CHM: variants seen among roughly 807,000 people sequenced by gnomAD.
The protein encoded by CHM is CHM Rab escort protein, also known as rab proteins geranylgeranyltransferase component A 1.
In CHM, 10 loss-of-function variants were observed where a neutral mutation model predicts 49.0. That is an observed-to-expected ratio of 0.20 (90% CI 0.13 to 0.35). The LOEUF is 0.35. Ranked by LOEUF, CHM falls within the 10% of genes least tolerant of loss-of-function variation. CHM has a pLI of 1.00. For missense variants in CHM, 455 were observed against 478.4 expected, an observed-to-expected ratio of 0.95 and a Z score of 0.46; for synonymous variants, 184 against 167.5, an observed-to-expected ratio of 1.10 and a Z score of -0.76.
At chrX:85,908,070 A>C (rs922672503) in intron 9 of CHM, among the ~76,000 whole-genome samples, 1 of 111,909 alleles carries the variant, frequency 8.9e-6, no homozygotes, top group African/African-American at 3.2e-5. Flanking sequence ...GAGGATGTCA[A>C]GTGTTCCATA....
intron 2 of CHM, among the ~76,000 whole-genome samples, chrX:86,023,079 G>A (rs778263863): frequency 2.3e-3 from 260 of 110,986 alleles, no homozygotes; most frequent in African/African-American, 8.2e-3. Flanking sequence ...CCATAAACTA[G>A]ACCATTGCAA....
Position 85,963,945 on chromosome X carries a change from G to T in CHM, c.422C>A (p.Thr141Lys). The change falls in exon 5 of 15, where the codon ACG (threonine) becomes AAG (lysine). Residue 141 changes from threonine to lysine, a missense_variant. By Grantham distance (78) the Thr-to-Lys change is moderately conservative (BLOSUM62 -1). Transcript: ENST00000357749. ...TEAADSAFLPTEDESLSTMSC... is the reference protein window; with the variant it reads ...TEAADSAFLPKEDESLSTMSC... ...CATAGTGCTTAATGACTCATCCTCC[G>T]TAGGCAGGAAGGCAGAATCTGCAGC... The T allele has an allele frequency of 8.3e-7, 1 of 1,210,740 alleles. No homozygotes were observed. Among genetic ancestry groups the T allele is most frequent in the Non-Finnish European group, 1.1e-6 (1 of 895,134 alleles).
intron 2 of CHM, among the ~76,000 whole-genome samples, chrX:85,999,055 T>C (rs1038870116): frequency 6.3e-5 from 7 of 111,113 alleles, no homozygotes; most frequent in Non-Finnish European, 1.3e-4. Context: ...CATTTTTCTT[T>C]ATCACAATTC....
intron 14 of CHM, among the ~76,000 whole-genome samples, chrX:85,869,353 C>A (rs1923904244): frequency 9.0e-6 from 1 of 111,101 alleles, no homozygotes; most frequent in Admixed American, 9.7e-5. Context: ...TCTTTTACTT[C>A]TTCTATGCTA....
intron 2 of CHM, among the ~76,000 whole-genome samples, chrX:86,020,664 A>C (rs5968775): frequency 0.34 from 35,110 of 103,619 alleles, 4,494 homozygotes; most frequent in East Asian, 0.46. Context: ...TGAAATACAT[A>C]TGATATATAT....
intron 6 of CHM, among the ~76,000 whole-genome samples, chrX:85,958,277 A>G (rs1018962945): frequency 1.8e-5 from 2 of 110,290 alleles, no homozygotes; most frequent in East Asian, 5.7e-4. Context: ...CCCTATGTAC[A>G]TGTTAGTACA....
chrX:85,940,884 T>A (rs1209550271), intron 8 of CHM, among the ~76,000 whole-genome samples: 1 of 111,049 alleles, frequency 9.0e-6, no homozygotes, highest in Admixed American at 9.6e-5. Flanking sequence ...TCATAACTGT[T>A]TAGGCCCCTT....
At chrX:85,938,752 C>T (rs139035812) in intron 8 of CHM, among the ~76,000 whole-genome samples, 2 of 110,496 alleles carry the variant, frequency 1.8e-5, no homozygotes, top group African/African-American at 6.6e-5. Context: ...CAGTTTAAGG[C>T]CTCCTGAATT....
At chrX:85,877,359 T>A (rs1377803536) in intron 13 of CHM, among the ~76,000 whole-genome samples, 2 of 111,570 alleles carry the variant, frequency 1.8e-5, no homozygotes, top group East Asian at 2.8e-4. Flanking sequence ...AAACTTAATG[T>A]GTTCTCACTC....
intron 8 of CHM, among the ~76,000 whole-genome samples, chrX:85,931,200 A>T (rs191004731): frequency 2.3e-3 from 256 of 111,472 alleles, no homozygotes; most frequent in African/African-American, 8.0e-3. Flanking sequence ...ATTCCTAATC[A>T]TAGGCATGCA....
At chrX:85,916,541 AATCT>A (rs768962668) in intron 8 of CHM, among the ~76,000 whole-genome samples, 188 of 111,897 alleles carry the variant, frequency 1.7e-3, no homozygotes, top group Middle Eastern at 4.2e-3. Context: ...GAATTTTTAC[AATCT>A]ATCTATCTAA....
intron 8 of CHM, among the ~76,000 whole-genome samples, chrX:85,913,881 C>T (rs1473894499): frequency 9.1e-6 from 1 of 110,420 alleles, no homozygotes; most frequent in Non-Finnish European, 1.9e-5. Context: ...GACAAGCATA[C>T]TGCGAACAGA....
At chrX:85,945,232 G>A (rs757532576) in intron 8 of CHM, among the ~76,000 whole-genome samples, 13 of 110,042 alleles carry the variant, frequency 1.2e-4, no homozygotes, top group African/African-American at 3.0e-4. Flanking sequence ...CCAAAGCCCC[G>A]TGATATAGTT....
intron 4 of CHM, among the ~76,000 whole-genome samples, chrX:85,972,431 C>T (rs930140747): frequency 1.8e-4 from 20 of 113,056 alleles, no homozygotes; most frequent in Admixed American, 1.3e-3. Context: ...CGGGGAGGCT[C>T]GGGCTGCACA....
chrX:86,007,800 C>T (rs987290491), intron 2 of CHM, among the ~76,000 whole-genome samples: 22 of 112,345 alleles, frequency 2.0e-4, no homozygotes, highest in Non-Finnish European at 9.4e-5. Context: ...CGCTTTTACA[C>T]AGTTGATGGG....
At chrX:85,947,303 T>C (rs905964291) in intron 8 of CHM, among the ~76,000 whole-genome samples, 4 of 111,979 alleles carry the variant, frequency 3.6e-5, no homozygotes, top group African/African-American at 1.3e-4. Flanking sequence ...GTGAAGCCTA[T>C]TTGGAGGTGA....
chrX:85,958,048 C>T, intron 6 of CHM, 73 bp from the exon 7 acceptor site: 2 of 1,135,605 alleles, frequency 1.8e-6, no homozygotes, highest in Non-Finnish European at 2.4e-6. Flanking sequence ...ACACTTTTTT[C>T]CCCTTTACAT....
chrX:85,973,337 A>G (rs1177611561), intron 4 of CHM, among the ~76,000 whole-genome samples: 1 of 104,468 alleles, frequency 9.6e-6, no homozygotes, highest in Non-Finnish European at 2.0e-5. Context: ...AAAAAGAAAG[A>G]AAGAAAGAAA....
intron 9 of CHM, among the ~76,000 whole-genome samples, chrX:85,906,686 T>C (rs1926606839): frequency 9.0e-6 from 1 of 111,250 alleles, no homozygotes; most frequent in African/African-American, 3.3e-5. Context: ...AGCACGGGGG[T>C]TGGCAGACGT....
Sources: gnomAD v4.1 joint callset for allele counts (sites outside exome capture counted in the v4.1 genomes callset) on GRCh38, gnomAD v4.1.1 for gene constraint, MANE v1.5 for transcripts, NCBI Gene and HGNC (gene_info 2026-07-23, HGNC 2026-07-21) for gene names.